Variants in INHA observed in about 807,000 individuals in gnomAD.
INHA encodes the protein inhibin subunit alpha, also known as inhibin alpha chain.
Under a neutral mutation model 21.3 loss-of-function variants are expected in INHA, and 8 were observed. The ratio of observed to expected loss-of-function variants is 0.38; its 90% CI spans 0.22 to 0.68. INHA has a LOEUF of 0.68. Ranked by LOEUF, INHA falls within the 30% of genes least tolerant of loss-of-function variation. INHA has a pLI of 0.53. For synonymous variants in INHA, 231 were observed against 207.5 expected (o/e 1.11, Z -0.97); for missense variants, 436 against 465.8 (o/e 0.94, Z 0.59).
chr2:219,573,378 T>C (rs990987614), intron 1 of INHA, among the ~76,000 whole-genome samples: 3 of 152,222 alleles, frequency 2.0e-5, no homozygotes, highest in Non-Finnish European at 4.4e-5. Flanking sequence ...AGAGAAGCCA[T>C]GTAACAGTAT....
rs767898087 is a variant in INHA, at chr2:219,575,268, G to A, written c.843G>A (p.Val281=). ...AGCTGGGCTGGGAACGGTGGATCGT[G>A]TACCCTCCCAGTTTCATCTTCCACT... is the stretch of plus-strand genomic sequence containing the variant. ...FQELGWERWI[V]YPPSFIFHYC... is the part of the protein sequence containing the mutation. Residue 281 remains valine, a synonymous_variant, in exon 2 of 2, where the codon GTG becomes GTA. Coordinates refer to ENST00000243786, the MANE Select transcript of INHA (RefSeq NM_002191.4). The A allele has an allele frequency of 1.9e-6, 3 of 1,614,212 alleles. No individual in the cohort carries two copies. Among genetic ancestry groups the A allele is most frequent in the Middle Eastern group, 1.6e-4 (1 of 6,062 alleles).
At position 219,575,400 on chromosome 2, in the gene INHA, G is replaced by A; in HGVS notation, c.975G>A (p.Gln325=). 6.2e-7 allele frequency: 1 copy of A among 1,614,026 alleles called. No individual in the cohort carries two copies. Among genetic ancestry groups the A allele is most frequent in the Non-Finnish European group, 8.5e-7 (1 of 1,179,992 alleles). The change falls in exon 2 of 2, where the codon CAG becomes CAA. Residue 325 remains glutamine, a synonymous_variant. Coordinates refer to ENST00000243786, the MANE Select transcript of INHA (RefSeq NM_002191.4). ...AQPYSLLPGA[Q]PCCAALPGTM... ...CCTACTCCTTGCTGCCAGGGGCCCA[G>A]CCCTGCTGTGCTGCTCTCCCAGGGA...
In INHA at chr2:219,572,363, G is replaced by A; in HGVS notation, c.-12G>A. 6.2e-7 allele frequency: 1 copy of A among 1,613,612 alleles called. No homozygotes were observed. The highest frequency in any genetic ancestry group is 8.5e-7 in the Non-Finnish European group (1 of 1,180,012). ...AGGGTGTGAGTTCCCCACTAGCAGG[G>A]CCAGGTGAGCTATGGTGCTGCACCT... On this transcript the variant is annotated 5_prime_UTR_variant, in exon 1 of 2. Transcript: ENST00000243786.
At chr2:219,574,278 CAAAAA>C (rs1189604451) in intron 1 of INHA, among the ~76,000 whole-genome samples, 2 of 65,966 alleles carry the variant, frequency 3.0e-5, no homozygotes, top group Non-Finnish European at 3.2e-5. Flanking sequence ...GACTCTGTCT[CAAAAA>C]AAAAAAAAAA....
chr2:219,574,571 G>C, intron 1 of INHA, 123 bp from the exon 2 acceptor site: 1 of 769,206 alleles, frequency 1.3e-6, no homozygotes. Flanking sequence ...CCCGGAGGGC[G>C]TGGAGCAGAG....
chr2:219,573,044 G>T (rs62191616), intron 1 of INHA, among the ~76,000 whole-genome samples: 5,978 of 152,314 alleles, frequency 0.039, 165 homozygotes, highest in Middle Eastern at 0.092. Flanking sequence ...CAGAGATACA[G>T]GCAAAAGATT....
At chr2:219,572,668 G>A (rs1272025325) in intron 1 of INHA, 26 bp downstream of exon 1, 6 of 1,551,108 alleles carry the variant, frequency 3.9e-6, no homozygotes, top group Non-Finnish European at 4.4e-6. Context: ...GAACCGGCAG[G>A]ATGACTTTGA....
At chr2:219,572,981 G>A (rs1197879558) in intron 1 of INHA, among the ~76,000 whole-genome samples, 2 of 152,198 alleles carry the variant, frequency 1.3e-5, no homozygotes, top group Admixed American at 1.3e-4. Context: ...GCCTCTGCTC[G>A]CTGCTCCAAA....
Position 219,575,565 on chromosome 2 carries a change from C to A in INHA, c.*39C>A. The A allele has an allele frequency of 6.7e-7, 1 of 1,490,772 alleles. No homozygotes were observed. The highest frequency in any genetic ancestry group is 9.3e-7 in the Non-Finnish European group (1 of 1,072,076). The allele number at this position is 1,490,772 out of a possible 1,614,324, so 92.3% of individuals were successfully genotyped here. A position where few individuals can be genotyped will look rare whatever the true frequency, so the allele number is the denominator to read the frequency against. On this transcript the variant is annotated 3_prime_UTR_variant, in exon 2 of 2. Coordinates refer to ENST00000243786, the MANE Select transcript of INHA (RefSeq NM_002191.4). ...TCCTTCTTAATCCCATGGCTGGTGG[C>A]CACGCCCCCACCATCATCAGCTGGG...
rs762416671 is a variant in INHA, at chr2:219,575,109, G to A, written c.684G>A (p.Glu228=). 1.2e-6 allele frequency: 2 copies of A among 1,614,120 alleles called. No homozygotes were observed. Among genetic ancestry groups the A allele is most frequent in the East Asian group, 4.5e-5 (2 of 44,890 alleles). ...HTRTRPPSGG[E]RARRSTPLMS... Reference sequence around the variant, plus strand: ...GGACCAGACCACCCAGTGGAGGGGAGAGAGCCCGACGCTCAACTCCCCTGA... The same window carrying A: ...GGACCAGACCACCCAGTGGAGGGGAAAGAGCCCGACGCTCAACTCCCCTGA... Residue 228 remains glutamate (E), a synonymous_variant, in exon 2 of 2, where the codon GAG becomes GAA. Transcript: ENST00000243786.
chr2:219,573,487 G>A (rs924032331), intron 1 of INHA, among the ~76,000 whole-genome samples: 6 of 151,986 alleles, frequency 3.9e-5, no homozygotes, highest in Non-Finnish European at 5.9e-5. Flanking sequence ...ATTCTTGAAA[G>A]GACTGCCCTC....
rs749444167 is a variant in INHA, at chr2:219,574,854, A to C, written c.429A>C (p.Ala143=). ...CCGGGCTGGACAGGCAGGGCACAGC[A>C]GCCTCCAATAGCTCTGAGCCCCTGC... ...FHTGLDRQGT[A]ASNSSEPLLG... The change falls in exon 2 of 2, where the codon GCA becomes GCC. Residue 143 remains alanine, a synonymous_variant. Coordinates refer to ENST00000243786, the MANE Select transcript of INHA (RefSeq NM_002191.4). The C allele has an allele frequency of 1.9e-6, 3 of 1,613,916 alleles. No individual in the cohort carries two copies. The African/African-American group carries it at 4.0e-5, about 22-fold the overall frequency.
chr2:219,573,294 C>T (rs1261212904), intron 1 of INHA, among the ~76,000 whole-genome samples: 1 of 152,198 alleles, frequency 6.6e-6, no homozygotes, highest in East Asian at 1.9e-4. Context: ...GCCACTTAGT[C>T]GTTGAACGTC....
In INHA at chr2:219,575,541, C is replaced by A. The variant is rs1553539901; in HGVS notation, c.*15C>A. On this transcript the variant is annotated 3_prime_UTR_variant, in exon 2 of 2. Transcript: ENST00000243786. ...CTTGTATCTAAGGGTGGGGGGTCTT[C>A]CTTCTTAATCCCATGGCTGGTGGCC... The A allele has an allele frequency of 3.3e-5, 52 of 1,596,848 alleles. No homozygotes were observed. The South Asian group carries it at 3.3e-4, about 10-fold the overall frequency.
At chr2:219,574,278 C>CAA (rs1189604451) in intron 1 of INHA, among the ~76,000 whole-genome samples, 5 of 65,966 alleles carry the variant, frequency 7.6e-5, no homozygotes, top group Non-Finnish European at 9.6e-5. Flanking sequence ...GACTCTGTCT[C>CAA]AAAAAAAAAA....
At chr2:219,573,222 C>A (rs1207761960) in intron 1 of INHA, among the ~76,000 whole-genome samples, 2 of 151,430 alleles carry the variant, frequency 1.3e-5, no homozygotes, top group African/African-American at 2.4e-5. Context: ...TCCCTCACTT[C>A]AGTCCGTTCG....
rs1275770825 is a variant in INHA, at chr2:219,572,594, C to G, written c.220C>G (p.Pro74Ala). 10 of 1,554,136 alleles carry G rather than the reference C, an allele frequency of 6.4e-6. No individual in the cohort carries two copies. The highest frequency in any genetic ancestry group is 8.7e-6 in the Non-Finnish European group (10 of 1,148,468). ...LGGFTHRGSE[P>A]EEEEDVSQAI... The stretch of plus-strand genomic sequence containing the variant: ...GGGCTTCACACACAGGGGCTCTGAG[C>G]CCGAGGAAGAGGAGGATGTCTCCCA... Residue 74 changes from proline to alanine, a missense_variant, in exon 1 of 2, where the codon CCC (proline) becomes GCC (alanine). Coordinates refer to ENST00000243786, the MANE Select transcript of INHA (RefSeq NM_002191.4).
Position 219,575,609 on chromosome 2 carries a change from A to G in INHA, c.*83A>G. ...AGCTGGGAGGAAAGGCAGAGTTGGG[A>G]AATAGATGGCTCCCACTCCTCCCTC... On this transcript the variant is annotated 3_prime_UTR_variant, in exon 2 of 2. Coordinates refer to ENST00000243786, the MANE Select transcript of INHA (RefSeq NM_002191.4). The G allele has an allele frequency of 8.7e-7, 1 of 1,142,860 alleles. No individual in the cohort carries two copies. Among genetic ancestry groups the G allele is most frequent in the Non-Finnish European group, 1.3e-6 (1 of 763,338 alleles). The allele number at this position is 1,142,860 out of a possible 1,614,324, so 70.8% of individuals were successfully genotyped here.
Position 219,575,531 on chromosome 2 carries a change from G to C in INHA, c.*5G>C, listed in dbSNP as rs2229914. On this transcript the variant is annotated 3_prime_UTR_variant, in exon 2 of 2. Transcript: ENST00000243786. ...CAGCACTGTGCTTGTATCTAAGGGT[G>C]GGGGGTCTTCCTTCTTAATCCCATG... The C allele has an allele frequency of 3.7e-6, 6 of 1,607,216 alleles. No homozygotes were observed. In the African/African-American group the frequency reaches 4.0e-5, roughly 11 times the overall value.
Sources: gnomAD v4.1 joint callset for allele counts (sites outside exome capture counted in the v4.1 genomes callset) on GRCh38, gnomAD v4.1.1 for gene constraint, MANE v1.5 for transcripts, NCBI Gene and HGNC (gene_info 2026-07-23, HGNC 2026-07-21) for gene names.